CATSPERE: variants seen among roughly 807,000 people sequenced by gnomAD.
CATSPERE encodes the protein catsper channel auxiliary subunit epsilon, also known as cation channel sperm-associated auxiliary subunit epsilon.
In CATSPERE, 93 loss-of-function variants were observed where a neutral mutation model predicts 114.1. The observed-to-expected ratio is 0.81, with a 90% confidence interval of 0.69 to 0.97. The LOEUF (loss-of-function observed/expected upper bound fraction) is 0.97, where lower values mean the gene tolerates loss of function less well. Ranked by LOEUF, CATSPERE falls within the 50% of genes least tolerant of loss-of-function variation. The pLI, the probability that CATSPERE is intolerant of heterozygous loss-of-function variation, is 0.00. For missense variants in CATSPERE, 1,058 were observed against 1,131.6 expected (o/e 0.93, Z 0.93); for synonymous variants, 341 against 384.1 (o/e 0.89, Z 1.31).
rs1476267922 is a variant in CATSPERE at position 244,625,430 on chromosome 1, A to ATTTTTTTTTTT, written c.2648+7745_2648+7746insTTTTTTTTTTT. Among the ~76,000 whole-genome samples the ATTTTTTTTTTT allele has an allele frequency of 3.0e-3, 13 of 4,328 alleles. 1 individual carries two copies. Among genetic ancestry groups the ATTTTTTTTTTT allele is most frequent in the East Asian group, 0.012 (1 of 86 alleles). 2.8% of individuals were successfully genotyped at this position (4,328 alleles called of 152,430 possible). Reference sequence around the variant, plus strand: ...TTTATATATATATATATATATATATATATTTTTTTTTTTTTTTGAGATGGA... The same window carrying ATTTTTTTTTTT: ...TTTATATATATATATATATATATATATTTTTTTTTTTTATTTTTTTTTTTTTTTGAGATGGA... On this transcript the variant is annotated intron_variant, in intron 20 of 21. Coordinates refer to ENST00000366534, the MANE Select transcript of CATSPERE (RefSeq NM_001130957.2).
chr1:244,567,675 G>A (rs1663798400), intron 10 of CATSPERE, among the ~76,000 whole-genome samples: 1 of 151,682 alleles, frequency 6.6e-6, no homozygotes, highest in Non-Finnish European at 1.5e-5. Flanking sequence ...AAGTTCTCGT[G>A]CTGTGAAGCT....
At chr1:244,486,488 G>A (rs1403344833) in intron 5 of CATSPERE, among the ~76,000 whole-genome samples, 5 of 149,512 alleles carry the variant, frequency 3.3e-5, no homozygotes, top group African/African-American at 1.3e-4. Flanking sequence ...TCCAGCATGT[G>A]GGGTACTCGT....
At chr1:244,625,430 A>ATTTTTTTTTTTTTT (rs1476267922) in intron 20 of CATSPERE, among the ~76,000 whole-genome samples, 62 of 4,338 alleles carry the variant, frequency 0.014, 3 homozygotes, top group South Asian at 0.059. Flanking sequence ...ATATATATAT[A>ATTTTTTTTTTTTTT]TATTTTTTTT....
intron 8 of CATSPERE, among the ~76,000 whole-genome samples, chr1:244,523,805 G>T (rs972539593): frequency 2.7e-5 from 4 of 146,152 alleles, no homozygotes; most frequent in Non-Finnish European, 3.0e-5. Context: ...TCTTCAAGGA[G>T]AACTACAAAC....
rs367552408 is a variant in CATSPERE at position 244,552,662 on chromosome 1, T to C, written c.877T>C (p.Ser293Pro). Residue 293 changes from serine to proline, a missense_variant, in exon 9 of 22, where the codon TCG becomes CCG. Transcript: ENST00000366534. Reference sequence around the variant, plus strand: ...ACGGAGTGTGGCTCATGTGATCTTATCGCGGGATGGAATCGTTTTTCTTAT... The same window carrying C: ...ACGGAGTGTGGCTCATGTGATCTTACCGCGGGATGGAATCGTTTTTCTTAT... ...ERRSVAHVIL[S>P]RDGIVFLING... is the part of the protein sequence containing the mutation. 3.0e-5 allele frequency: 49 copies of C among 1,614,032 alleles called. No individual in the cohort carries two copies. The highest frequency in any genetic ancestry group is 3.9e-5 in the Non-Finnish European group (46 of 1,180,034).
chr1:244,638,255 T>G (rs1674887686), intron 21 of CATSPERE, among the ~76,000 whole-genome samples: 1 of 152,238 alleles, frequency 6.6e-6, no homozygotes, highest in Admixed American at 6.5e-5. Context: ...TGCCGATTAG[T>G]TCTCATTACA....
intron 6 of CATSPERE, among the ~76,000 whole-genome samples, chr1:244,491,520 T>A (rs1672164863): frequency 6.6e-6 from 1 of 151,328 alleles, no homozygotes; most frequent in Non-Finnish European, 1.5e-5. Context: ...CACCCTAACG[T>A]CACAATTAAA....
At chr1:244,489,302 A>C (rs1440128226) in intron 5 of CATSPERE, among the ~76,000 whole-genome samples, 1 of 152,146 alleles carries the variant, frequency 6.6e-6, no homozygotes, top group Non-Finnish European at 1.5e-5. Context: ...AGGATTTGTC[A>C]TGCTAAAAGA....
intron 2 of CATSPERE, among the ~76,000 whole-genome samples, chr1:244,475,794 C>A (rs1669247784): frequency 6.6e-6 from 1 of 152,120 alleles, no homozygotes; most frequent in Non-Finnish European, 1.5e-5. Context: ...CTCAGCCTCC[C>A]AAAGTGCTGG....
chr1:244,566,602 C>G (rs1185156141), intron 10 of CATSPERE, among the ~76,000 whole-genome samples: 1 of 115,392 alleles, frequency 8.7e-6, no homozygotes, highest in Admixed American at 9.7e-5. Context: ...CTTTTTTGAT[C>G]TTTGCTGGTT....
Position 244,463,926 on chromosome 1 carries a change from A to G in CATSPERE, c.84A>G (p.Pro28=), listed in dbSNP as rs747896230. 1 of 1,601,936 alleles carries G rather than the reference A, an allele frequency of 6.2e-7. No individual in the cohort carries two copies. The highest frequency in any genetic ancestry group is 2.2e-5 in the East Asian group (1 of 44,816). ...TCCACAGGTATTCCACTAACAGCCC[A>G]AACTATCGCATTTTTAGTACCAGAA... is the stretch of plus-strand genomic sequence containing the variant. The part of the protein sequence containing the change: ...SALWRYSTNS[P]NYRIFSTRST... Residue 28 remains proline (P), a synonymous_variant, in exon 2 of 22, where the codon CCA becomes CCG. Transcript: ENST00000366534.
intron 8 of CATSPERE, among the ~76,000 whole-genome samples, chr1:244,538,309 A>AT (rs1412358212): frequency 6.6e-6 from 1 of 152,196 alleles, no homozygotes; most frequent in Non-Finnish European, 1.5e-5. Flanking sequence ...GAGAAAAAAA[A>AT]TTTTTTAAGG....
At chr1:244,495,843 TAAA>T (rs1672997645) in intron 6 of CATSPERE, among the ~76,000 whole-genome samples, 1 of 152,210 alleles carries the variant, frequency 6.6e-6, no homozygotes, top group African/African-American at 2.4e-5. Flanking sequence ...TTTGGGGCTG[TAAA>T]CAGATAAGGG....
chr1:244,534,997 C>A (rs1012786238), intron 8 of CATSPERE, among the ~76,000 whole-genome samples: 1 of 151,828 alleles, frequency 6.6e-6, no homozygotes, highest in African/African-American at 2.4e-5. Flanking sequence ...TAGGGGGCAC[C>A]CCAAGCCCAG....
At chr1:244,496,035 C>T (rs1036148712) in intron 6 of CATSPERE, among the ~76,000 whole-genome samples, 1 of 152,050 alleles carries the variant, frequency 6.6e-6, no homozygotes, top group African/African-American at 2.4e-5. Context: ...TATATTCAGG[C>T]GTGTGAAATC....
chr1:244,490,324 A>G (rs953737679), intron 5 of CATSPERE, 123 bp from the exon 6 acceptor site: 2 of 583,092 alleles, frequency 3.4e-6, no homozygotes, highest in East Asian at 6.2e-5. Flanking sequence ...TTAATTTTAT[A>G]TACCGTAATG....
At chr1:244,498,131 G>A (rs1458972436) in intron 6 of CATSPERE, among the ~76,000 whole-genome samples, 1 of 152,138 alleles carries the variant, frequency 6.6e-6, no homozygotes, top group Non-Finnish European at 1.5e-5. Context: ...TTATCAGTAG[G>A]TTACTGGTTA....
chr1:244,603,601 G>A (rs1418901348), intron 17 of CATSPERE, among the ~76,000 whole-genome samples: 1 of 151,534 alleles, frequency 6.6e-6, no homozygotes, highest in Admixed American at 6.6e-5. Context: ...TACACTTATT[G>A]CCACTAGATG....
chr1:244,621,049 T>TATATATAAAATATATATA (rs1345299169), intron 20 of CATSPERE, among the ~76,000 whole-genome samples: 16 of 65,860 alleles, frequency 2.4e-4, no homozygotes, highest in South Asian at 3.9e-4. Flanking sequence ...AATATATATA[T>TATATATAAAATATATATA]AAATATATAT....
Sources: allele counts gnomAD v4.1 joint callset (sites outside exome capture counted in the v4.1 genomes callset), GRCh38; gene constraint gnomAD v4.1.1; transcripts MANE v1.5; gene names NCBI Gene and HGNC (gene_info 2026-07-23, HGNC 2026-07-21).